RGS6: variants seen among roughly 807,000 people sequenced by gnomAD.
RGS6 encodes the protein regulator of G-protein signaling 6.
Under a neutral mutation model 78.5 loss-of-function variants are expected in RGS6, and 30 were observed. That is an observed-to-expected ratio of 0.38 (90% CI 0.29 to 0.52). RGS6 has a LOEUF of 0.52. Among genes scored for constraint, RGS6 ranks in the 20% least tolerant of loss-of-function variants. RGS6 has a pLI of 0.85. For missense variants in RGS6, 495 were observed against 609.7 expected, an observed-to-expected ratio of 0.81 and a Z score of 1.98; for synonymous variants, 206 against 206.0, an observed-to-expected ratio of 1.00 and a Z score of 0.00.
chr14:72,561,552 C>T (rs1489595221), intron 17 of RGS6, among the ~76,000 whole-genome samples: 2 of 152,242 alleles, frequency 1.3e-5, no homozygotes, highest in African/African-American at 2.4e-5. Flanking sequence ...TCACCCTCCT[C>T]CTGGTGCCCA....
chr14:72,304,948 C>T (rs1003251977), intron 2 of RGS6, among the ~76,000 whole-genome samples: 1 of 152,004 alleles, frequency 6.6e-6, no homozygotes, highest in Non-Finnish European at 1.5e-5. Context: ...CAATTTAGAC[C>T]CCCACAGGCA....
At chr14:71,917,273 A>G in the RGS6 span, among the ~76,000 whole-genome samples, 26 of 152,286 alleles carry the variant, frequency 1.7e-4, no homozygotes, top group Admixed American at 1.2e-3. Context: ...GGGTCACCAT[A>G]TCAGAGCTCC....
intron 2 of RGS6, among the ~76,000 whole-genome samples, chr14:72,262,768 A>G (rs1029461161): frequency 2.6e-5 from 4 of 152,246 alleles, no homozygotes; most frequent in Admixed American, 2.6e-4. Context: ...TAGCTGAAGC[A>G]AAAGTGGATA....
chr14:71,991,602 T>G (rs1044592183), intron 2 of RGS6, among the ~76,000 whole-genome samples: 1 of 152,168 alleles, frequency 6.6e-6, no homozygotes, highest in Non-Finnish European at 1.5e-5. Flanking sequence ...GCCAAAGAAA[T>G]AAATAAAACA....
intron 3 of RGS6, among the ~76,000 whole-genome samples, chr14:72,356,794 A>G (rs1566614202): frequency 6.6e-6 from 1 of 152,234 alleles, no homozygotes; most frequent in East Asian, 1.9e-4. Context: ...TGTGAAGACA[A>G]TGTATTTGCT....
chr14:72,153,686 G>GT (rs142304079), intron 2 of RGS6, among the ~76,000 whole-genome samples: 10,988 of 152,220 alleles, frequency 0.072, 432 homozygotes, highest in Non-Finnish European at 0.098. Context: ...AAACCAGCAA[G>GT]TTTTTATTAA....
chr14:72,138,968 A>G (rs1272466346), intron 2 of RGS6, among the ~76,000 whole-genome samples: 3 of 152,188 alleles, frequency 2.0e-5, no homozygotes, highest in Non-Finnish European at 4.4e-5. Flanking sequence ...AATCAGCCCA[A>G]AGTCACCCCC....
chr14:72,069,845 CAT>C (rs1202250123), intron 2 of RGS6, among the ~76,000 whole-genome samples: 2 of 152,052 alleles, frequency 1.3e-5, no homozygotes, highest in Admixed American at 1.3e-4. Context: ...CAGCCAATCA[CAT>C]ATGATTTGGT....
At chr14:72,129,133 G>T (rs1404663675) in intron 2 of RGS6, among the ~76,000 whole-genome samples, 1 of 152,182 alleles carries the variant, frequency 6.6e-6, no homozygotes, top group Non-Finnish European at 1.5e-5. Flanking sequence ...AGGTTGGGCT[G>T]AGAAAACTGC....
At chr14:72,187,641 GA>G (rs924086789) in intron 2 of RGS6, among the ~76,000 whole-genome samples, 56 of 150,670 alleles carry the variant, frequency 3.7e-4, no homozygotes, top group African/African-American at 1.3e-3. Context: ...TATTTCCTTG[GA>G]AAAAAAAAGA....
intron 14 of RGS6, chr14:72,511,494 C>T (rs1165391665): frequency 6.6e-6 from 1 of 152,114 alleles, no homozygotes; most frequent in East Asian, 1.9e-4. Context: ...CTTGTAGGTC[C>T]TTGAGGAAAA....
intron 12 of RGS6, 94 bp downstream of exon 12, chr14:72,478,423 G>A: frequency 1.1e-6 from 1 of 881,936 alleles, no homozygotes. Flanking sequence ...TCAATGCCAA[G>A]AGTTAGACTG....
chr14:72,233,715 A>G (rs1444787662), intron 2 of RGS6, among the ~76,000 whole-genome samples: 4 of 152,186 alleles, frequency 2.6e-5, no homozygotes, highest in Admixed American at 1.3e-4. Context: ...GTCTCCTGCC[A>G]TGGTTTCACA....
chr14:72,509,237 C>T (rs1026118139), intron 13 of RGS6, among the ~76,000 whole-genome samples: 2 of 152,000 alleles, frequency 1.3e-5, no homozygotes, highest in Admixed American at 1.3e-4. Context: ...TGGTGGTACG[C>T]ACCTGTAGTC....
At chr14:72,473,218 T>C (rs563131783) in intron 9 of RGS6, among the ~76,000 whole-genome samples, 9 of 152,258 alleles carry the variant, frequency 5.9e-5, no homozygotes, top group South Asian at 4.1e-4. Flanking sequence ...CCGAGGTGGG[T>C]GGATCACGAG....
intron 2 of RGS6, among the ~76,000 whole-genome samples, chr14:72,185,170 G>A (rs1158244148): frequency 2.6e-5 from 4 of 152,060 alleles, no homozygotes; most frequent in African/African-American, 9.7e-5. Flanking sequence ...GTCCTTCCAT[G>A]TTCTTCTGCT....
intron 2 of RGS6, among the ~76,000 whole-genome samples, chr14:72,241,313 C>G (rs2052761170): frequency 6.6e-6 from 1 of 152,214 alleles, no homozygotes; most frequent in African/African-American, 2.4e-5. Context: ...TTAACAACCC[C>G]TTTCACCATG....
chr14:72,075,974 C>T (rs2094559616), intron 2 of RGS6, among the ~76,000 whole-genome samples: 1 of 152,190 alleles, frequency 6.6e-6, no homozygotes, highest in South Asian at 2.1e-4. Context: ...TGATACATTC[C>T]TCAAATTCTT....
chr14:72,057,106 G>T (rs1260012852), intron 2 of RGS6, among the ~76,000 whole-genome samples: 3 of 151,980 alleles, frequency 2.0e-5, no homozygotes, highest in African/African-American at 7.3e-5. Flanking sequence ...TTGAGGTCAG[G>T]AGTTCGAGAC....
Sources: allele counts gnomAD v4.1 joint callset (sites outside exome capture counted in the v4.1 genomes callset), GRCh38; gene constraint gnomAD v4.1.1; transcripts MANE v1.5; gene names NCBI Gene and HGNC (gene_info 2026-07-23, HGNC 2026-07-21).